The following DSCAM variants were observed in gnomAD, a reference collection of about 807,000 sequenced individuals.
DSCAM encodes cell adhesion molecule DSCAM.
Under a neutral mutation model 217.7 loss-of-function variants are expected in DSCAM, and 47 were observed. That is an observed-to-expected ratio of 0.22 (90% CI 0.17 to 0.28). The LOEUF (loss-of-function observed/expected upper bound fraction) is 0.28. DSCAM is among the 10% of genes least tolerant of loss of function. DSCAM has a pLI of 1.00. For missense variants in DSCAM, 2,080 were observed against 2,618.3 expected, an observed-to-expected ratio of 0.79 and a Z score of 4.49; for synonymous variants, 1,056 against 1,015.3, an observed-to-expected ratio of 1.04 and a Z score of -0.76.
intron 11 of DSCAM, among the ~76,000 whole-genome samples, chr21:40,192,029 C>G (rs1048879768): frequency 1.3e-5 from 2 of 152,114 alleles, no homozygotes; most frequent in African/African-American, 4.8e-5. Flanking sequence ...TTTGGGGATA[C>G]TATTCAACCC....
At position 40,846,093 on chromosome 21, in the gene DSCAM, C is replaced by T. The variant is rs143481124; in HGVS notation, c.43+526G>A. 2.0e-4 allele frequency among the ~76,000 whole-genome samples: 31 copies of T among 151,862 alleles called. 2 individuals are homozygous for T. In the East Asian group the frequency reaches 2.5e-3, roughly 12 times the overall value. ...CGACTGTGAGGAGCATGAAGCAGCA[C>T]GGGGTGCATAGAAGGACAGAACATT... On this transcript the variant is annotated intron_variant, in intron 1 of 32. Coordinates refer to ENST00000400454, the MANE Select transcript of DSCAM (RefSeq NM_001389.5).
At chr21:40,770,368 C>T (rs997413774) in intron 1 of DSCAM, among the ~76,000 whole-genome samples, 3 of 152,126 alleles carry the variant, frequency 2.0e-5, no homozygotes, top group Non-Finnish European at 1.5e-5. Flanking sequence ...AAAGTAGTGC[C>T]GTGAGACTCA....
chr21:40,113,364 C>A (rs572643655), intron 20 of DSCAM, among the ~76,000 whole-genome samples: 2 of 152,072 alleles, frequency 1.3e-5, no homozygotes, highest in East Asian at 1.9e-4. Context: ...ATTCAACAAC[C>A]CTTCATGCTA....
chr21:40,126,772 C>T (rs917260786), intron 19 of DSCAM, among the ~76,000 whole-genome samples: 1 of 152,176 alleles, frequency 6.6e-6, no homozygotes, highest in African/African-American at 2.4e-5. Context: ...CATCTAAACT[C>T]GCAGTTGGCT....
At chr21:40,563,226 C>G (rs1456771694) in intron 3 of DSCAM, among the ~76,000 whole-genome samples, 5 of 152,054 alleles carry the variant, frequency 3.3e-5, no homozygotes, top group Non-Finnish European at 7.4e-5. Context: ...TACTGAAAGT[C>G]ATGCAACTGG....
At chr21:40,090,688 TC>T (rs1047924743) in intron 21 of DSCAM, among the ~76,000 whole-genome samples, 3 of 152,132 alleles carry the variant, frequency 2.0e-5, no homozygotes, top group African/African-American at 7.2e-5. Context: ...TGCACCTTCA[TC>T]TCTCCTCCAT....
At chr21:40,845,685 A>G (rs943911424) in intron 1 of DSCAM, among the ~76,000 whole-genome samples, 1 of 152,022 alleles carries the variant, frequency 6.6e-6, no homozygotes, top group Non-Finnish European at 1.5e-5. Context: ...TAGGTTATAC[A>G]TTTTATGCAG....
intron 5 of DSCAM, among the ~76,000 whole-genome samples, chr21:40,348,226 G>A (rs370000709): frequency 6.6e-6 from 1 of 150,620 alleles, no homozygotes. Flanking sequence ...GTTCCTATCA[G>A]CCACATTATT....
Position 40,682,672 on chromosome 21 carries a change from G to A in DSCAM, c.508+10138C>T, listed in dbSNP as rs1263957773. On this transcript the variant is annotated intron_variant, in intron 3 of 32. Coordinates refer to ENST00000400454, the MANE Select transcript of DSCAM (RefSeq NM_001389.5). ...GGGAAGGGAAGGGAGCGGAGGGGGAGGGGAGGGGAGGGGAAGGGAGCGGAG... is the reference window on the plus strand; with the variant it reads ...GGGAAGGGAAGGGAGCGGAGGGGGAAGGGAGGGGAGGGGAAGGGAGCGGAG... 2.3e-3 allele frequency among the ~76,000 whole-genome samples: 41 copies of A among 18,094 alleles called. 1 individual carries two copies. The highest frequency in any genetic ancestry group is 4.2e-3 in the South Asian group (1 of 236). The allele number at this position is 18,094 out of a possible 152,430, so 11.9% of individuals were successfully genotyped here.
intron 3 of DSCAM, among the ~76,000 whole-genome samples, chr21:40,472,922 C>T (rs945414324): frequency 6.6e-6 from 1 of 152,126 alleles, no homozygotes; most frequent in Non-Finnish European, 1.5e-5. Flanking sequence ...GCTGATGGTG[C>T]AAACACAGCT....
At chr21:40,471,609 G>A (rs2075889016) in intron 3 of DSCAM, among the ~76,000 whole-genome samples, 1 of 152,120 alleles carries the variant, frequency 6.6e-6, no homozygotes, top group Non-Finnish European at 1.5e-5. Flanking sequence ...GCAACAGAGT[G>A]TAAACCACCT....
intron 3 of DSCAM, among the ~76,000 whole-genome samples, chr21:40,459,070 A>G (rs569087032): frequency 1.1e-4 from 16 of 152,236 alleles, no homozygotes; most frequent in Admixed American, 3.9e-4. Flanking sequence ...TAAAAGAACT[A>G]GAAAAAAAAT....
chr21:40,298,594 T>C (rs2073981473), intron 9 of DSCAM, among the ~76,000 whole-genome samples: 1 of 152,078 alleles, frequency 6.6e-6, no homozygotes, highest in African/African-American at 2.4e-5. Context: ...CTCTAAGAAA[T>C]ATGGTAGAGA....
At chr21:40,620,201 AAG>A (rs1339393310) in intron 3 of DSCAM, among the ~76,000 whole-genome samples, 312 of 82,538 alleles carry the variant, frequency 3.8e-3, no homozygotes, top group South Asian at 7.7e-3. Flanking sequence ...AAAAGAAAGA[AAG>A]AGAGAAAGAG....
At position 40,246,211 on chromosome 21, in the gene DSCAM, C is replaced by T. The variant is rs145739903; in HGVS notation, c.2356+29886G>A. Among the ~76,000 whole-genome samples, 335 of 151,584 alleles carry T rather than the reference C, an allele frequency of 2.2e-3. 1 individual carries two copies. The highest frequency in any genetic ancestry group is 7.5e-3 in the African/African-American group (311 of 41,256). On this transcript the variant is annotated intron_variant, in intron 11 of 32. Transcript: ENST00000400454. ...AAGAATCCCATACTCACTTCCTATA[C>T]GTCCAGAAAGAAGCAGAAAAGAGGC...
chr21:40,241,788 T>C (rs911751626), intron 11 of DSCAM, among the ~76,000 whole-genome samples: 1 of 152,202 alleles, frequency 6.6e-6, no homozygotes, highest in Non-Finnish European at 1.5e-5. Context: ...AACTGCCGTA[T>C]ATATACACCA....
intron 11 of DSCAM, among the ~76,000 whole-genome samples, chr21:40,261,807 T>C (rs531465514): frequency 2.6e-5 from 4 of 152,170 alleles, no homozygotes; most frequent in South Asian, 4.2e-4. Flanking sequence ...CCCTGACAAA[T>C]AGAAATTTAA....
At chr21:40,832,264 G>A (rs2092017418) in intron 1 of DSCAM, among the ~76,000 whole-genome samples, 1 of 152,174 alleles carries the variant, frequency 6.6e-6, no homozygotes, top group African/African-American at 2.4e-5. Flanking sequence ...TCAAGCTATT[G>A]TTTTTATGAT....
intron 11 of DSCAM, among the ~76,000 whole-genome samples, chr21:40,251,474 TCTC>T (rs1301254745): frequency 6.6e-6 from 1 of 152,214 alleles, no homozygotes; most frequent in African/African-American, 2.4e-5. Flanking sequence ...AGGTAACACT[TCTC>T]CTATTTCCTA....
Sources: gnomAD v4.1 joint callset for allele counts (sites outside exome capture counted in the v4.1 genomes callset) on GRCh38, gnomAD v4.1.1 for gene constraint, MANE v1.5 for transcripts, NCBI Gene and HGNC (gene_info 2026-07-23, HGNC 2026-07-21) for gene names.